KIAA0825: variants seen among roughly 807,000 people sequenced by gnomAD.
KIAA0825 encodes uncharacterized protein KIAA0825.
Under a neutral mutation model 147.6 loss-of-function variants are expected in KIAA0825, and 119 were observed. That is an observed-to-expected ratio of 0.81 (90% confidence interval 0.69 to 0.94). KIAA0825 has a LOEUF of 0.94. Among genes scored for constraint, KIAA0825 ranks in the 40% least tolerant of loss-of-function variants. The probability of loss-of-function intolerance (pLI) is 0.00; values close to 1 mark genes in which losing one functional copy is unlikely to be tolerated. For missense variants in KIAA0825, 1,381 were observed against 1,472.7 expected (o/e 0.94, Z 1.02); for synonymous variants, 470 against 518.1 (o/e 0.91, Z 1.26).
chr5:94,452,890 T>C (rs764211341), intron 13 of KIAA0825, 69 bp downstream of exon 13: 6 of 845,398 alleles, frequency 7.1e-6, no homozygotes, highest in Non-Finnish European at 1.0e-5. Context: ...CATCCATTGA[T>C]AAAAATTTCT....
At chr5:94,291,333 C>A (rs1777882459) in intron 20 of KIAA0825, among the ~76,000 whole-genome samples, 1 of 152,134 alleles carries the variant, frequency 6.6e-6, no homozygotes, top group Admixed American at 6.5e-5. Context: ...CTGCATATGG[C>A]TAGCCAGTTT....
intron 20 of KIAA0825, among the ~76,000 whole-genome samples, chr5:94,360,430 C>A (rs1328640212): frequency 6.6e-6 from 1 of 152,102 alleles, no homozygotes; most frequent in African/African-American, 2.4e-5. Flanking sequence ...GCTGCATTCC[C>A]AGTAAGTTAG....
intron 5 of KIAA0825, among the ~76,000 whole-genome samples, chr5:94,501,086 A>G (rs1017869279): frequency 1.3e-4 from 20 of 152,212 alleles, no homozygotes; most frequent in African/African-American, 4.8e-4. Context: ...AATGGAAAAA[A>G]ATTAATGTAG....
intron 20 of KIAA0825, among the ~76,000 whole-genome samples, chr5:94,184,819 G>A (rs1413651586): frequency 2.0e-5 from 3 of 152,068 alleles, no homozygotes; most frequent in Admixed American, 2.0e-4. Context: ...TTCATCTTAA[G>A]TTTGTACCTT....
intron 1 of KIAA0825, among the ~76,000 whole-genome samples, chr5:94,607,876 G>T: frequency 6.6e-6 from 1 of 151,994 alleles, no homozygotes; most frequent in Admixed American, 6.6e-5. Context: ...TTGACTTGTG[G>T]CCCACTTCCT....
chr5:94,487,762 T>C (rs1400375068), intron 5 of KIAA0825, among the ~76,000 whole-genome samples: 1 of 151,974 alleles, frequency 6.6e-6, no homozygotes, highest in Admixed American at 6.6e-5. Context: ...GCAAACCCCA[T>C]CTCTACAAAA....
At chr5:94,553,955 T>C (rs557123046) in intron 2 of KIAA0825, among the ~76,000 whole-genome samples, 2 of 152,218 alleles carry the variant, frequency 1.3e-5, no homozygotes, top group East Asian at 3.8e-4. Context: ...TACTACCATT[T>C]TTCTTGTCCC....
chr5:94,466,164 T>C (rs1760469351), intron 10 of KIAA0825, among the ~76,000 whole-genome samples: 1 of 152,186 alleles, frequency 6.6e-6, no homozygotes. Flanking sequence ...ATACCAAAAG[T>C]TGATCATTTC....
At chr5:94,458,657 G>C (rs1759430522) in intron 12 of KIAA0825, among the ~76,000 whole-genome samples, 1 of 151,852 alleles carries the variant, frequency 6.6e-6, no homozygotes, top group Non-Finnish European at 1.5e-5. Context: ...TTTACAGGAA[G>C]GTGGAAAAAG....
intron 5 of KIAA0825, among the ~76,000 whole-genome samples, chr5:94,504,032 G>C (rs1477235335): frequency 6.6e-6 from 1 of 152,070 alleles, no homozygotes; most frequent in African/African-American, 2.4e-5. Flanking sequence ...AGAGAGAAAG[G>C]GGCTCAATTC....
At chr5:94,292,207 C>T (rs998593855) in intron 20 of KIAA0825, among the ~76,000 whole-genome samples, 1 of 152,124 alleles carries the variant, frequency 6.6e-6, no homozygotes, top group Non-Finnish European at 1.5e-5. Flanking sequence ...GGAATGCTTC[C>T]AGTTTTTGCC....
chr5:94,590,243 C>T (rs1055252961), intron 1 of KIAA0825, among the ~76,000 whole-genome samples: 5 of 152,134 alleles, frequency 3.3e-5, no homozygotes, highest in Non-Finnish European at 5.9e-5. Context: ...GATCTGTCCG[C>T]GTCAGCCTTC....
intron 1 of KIAA0825, among the ~76,000 whole-genome samples, chr5:94,587,288 A>G (rs781446808): frequency 2.6e-5 from 4 of 152,204 alleles, no homozygotes; most frequent in Non-Finnish European, 5.9e-5. Context: ...GTATACTTAG[A>G]AAACCCCATT....
intron 20 of KIAA0825, among the ~76,000 whole-genome samples, chr5:94,176,389 A>G (rs1769105799): frequency 6.6e-6 from 1 of 152,126 alleles, no homozygotes; most frequent in Non-Finnish European, 1.5e-5. Context: ...TATGAACTAA[A>G]GAAACCTCTT....
chr5:94,462,427 T>A lies in KIAA0825; in HGVS notation c.2206A>T (p.Thr736Ser), dbSNP rs1333335996. ...AATGGTGAAGTCAAAATGACTAATG[T>A]TGTAAACAGATTATTACAATGAGTG... is the stretch of plus-strand genomic sequence containing the variant. ...IHTHCNNLFT[T>S]LVILTSPLTE... is the part of the protein sequence containing the mutation. The change falls in exon 12 of 21, where the codon ACA becomes TCA. Residue 736 changes from threonine to serine, a missense_variant. Transcript: ENST00000682413. 6.7e-7 allele frequency: 1 copy of A among 1,481,984 alleles called. No individual in the cohort carries two copies. The highest frequency in any genetic ancestry group is 1.4e-5 in the African/African-American group (1 of 71,200). 91.8% of individuals were successfully genotyped at this position (1,481,984 alleles called of 1,614,324 possible).
At chr5:94,542,548 C>T (rs1054956060) in intron 2 of KIAA0825, among the ~76,000 whole-genome samples, 3 of 152,080 alleles carry the variant, frequency 2.0e-5, no homozygotes, top group African/African-American at 4.8e-5. Context: ...GGCTCATGCC[C>T]GTAGTCCCAG....
intron 20 of KIAA0825, among the ~76,000 whole-genome samples, chr5:94,294,529 C>A (rs1778048266): frequency 6.6e-6 from 1 of 152,084 alleles, no homozygotes; most frequent in South Asian, 2.1e-4. Context: ...AGTTTGAGAC[C>A]AGCCTGACCA....
chr5:94,495,224 G>A (rs1013959914), intron 5 of KIAA0825, among the ~76,000 whole-genome samples: 1 of 152,168 alleles, frequency 6.6e-6, no homozygotes, highest in African/African-American at 2.4e-5. Context: ...AAAGAGTAGG[G>A]CAGGCCTGAG....
chr5:94,593,036 AGTAT>A, intron 1 of KIAA0825: 1 of 664,664 alleles, frequency 1.5e-6, no homozygotes, highest in Non-Finnish European at 2.9e-6. Flanking sequence ...AAAAATGTTG[AGTAT>A]GTCAGAGACC....
Sources: allele counts gnomAD v4.1 joint callset (sites outside exome capture counted in the v4.1 genomes callset), GRCh38; gene constraint gnomAD v4.1.1; transcripts MANE v1.5; gene names NCBI Gene and HGNC (gene_info 2026-07-23, HGNC 2026-07-21).